The following NCOA7 variants were observed in gnomAD, a reference collection of about 807,000 sequenced individuals.
NCOA7 encodes the protein nuclear receptor coactivator 7.
In NCOA7, 45 loss-of-function variants were observed where a neutral mutation model predicts 104.3. That is an observed-to-expected ratio of 0.43 (90% CI 0.34 to 0.55). The LOEUF (loss-of-function observed/expected upper bound fraction) is 0.55, where lower values mean the gene tolerates loss of function less well. NCOA7 is among the 20% of genes least tolerant of loss of function. The pLI, the probability that NCOA7 is intolerant of heterozygous loss-of-function variation, is 0.02. For synonymous variants in NCOA7, 398 were observed against 402.3 expected, an observed-to-expected ratio of 0.99 and a Z score of 0.13; for missense variants, 1,041 against 1,119.7, an observed-to-expected ratio of 0.93 and a Z score of 1.00.
chr6:125,922,933 C>T, intron 13 of NCOA7, 99 bp downstream of exon 13: 4 of 1,122,560 alleles, frequency 3.6e-6, no homozygotes, highest in South Asian at 2.0e-5. Context: ...ACCCAGATTC[C>T]ACAGTTAACA....
chr6:125,882,947 T>C (rs1017790482), intron 7 of NCOA7, among the ~76,000 whole-genome samples: 2 of 152,170 alleles, frequency 1.3e-5, no homozygotes, highest in African/African-American at 4.8e-5. Context: ...ATTTTTCTCA[T>C]GCATAAAATA....
At chr6:125,846,261 C>T (rs1780597628) in intron 2 of NCOA7, among the ~76,000 whole-genome samples, 1 of 151,156 alleles carries the variant, frequency 6.6e-6, no homozygotes, top group Non-Finnish European at 1.5e-5. Context: ...AGAAATTCTG[C>T]AGTGGAAGGA....
At chr6:125,807,534 A>G (rs1430490650) in intron 1 of NCOA7, among the ~76,000 whole-genome samples, 2 of 152,208 alleles carry the variant, frequency 1.3e-5, no homozygotes, top group African/African-American at 4.8e-5. Context: ...CACTAACACT[A>G]AACTGTACCG....
chr6:125,832,617 T>A (rs1474842116), intron 2 of NCOA7, among the ~76,000 whole-genome samples: 1 of 152,182 alleles, frequency 6.6e-6, no homozygotes, highest in African/African-American at 2.4e-5. Flanking sequence ...GTCCCATTTG[T>A]CATGGGGCAG....
chr6:125,907,373 G>A (rs1288046579), intron 10 of NCOA7, among the ~76,000 whole-genome samples: 1 of 134,808 alleles, frequency 7.4e-6, no homozygotes, highest in Admixed American at 8.2e-5. Flanking sequence ...AGCGATGGGG[G>A]AAGCATTCAG....
intron 10 of NCOA7, among the ~76,000 whole-genome samples, chr6:125,898,361 T>C (rs964807500): frequency 3.3e-5 from 5 of 152,202 alleles, no homozygotes; most frequent in Non-Finnish European, 5.9e-5. Flanking sequence ...TCCCATGTTA[T>C]CTTCATCATC....
chr6:125,806,502 T>A (rs1776466797), intron 1 of NCOA7, among the ~76,000 whole-genome samples: 1 of 152,208 alleles, frequency 6.6e-6, no homozygotes, highest in Non-Finnish European at 1.5e-5. Context: ...ACATTTAATT[T>A]AAAAGCTAAT....
upstream of NCOA7, among the ~76,000 whole-genome samples, chr6:125,787,710 A>G (rs1774536160): frequency 6.6e-6 from 1 of 152,240 alleles, no homozygotes; most frequent in Admixed American, 6.5e-5. Context: ...GTGTGGTATT[A>G]TATTTTTTCA....
At chr6:125,840,966 C>G (rs757224188) in intron 2 of NCOA7, among the ~76,000 whole-genome samples, 5 of 129,830 alleles carry the variant, frequency 3.9e-5, no homozygotes, top group Non-Finnish European at 6.2e-5. Flanking sequence ...GAACTTGGCT[C>G]ACTGCAACCT....
intron 9 of NCOA7, 50 bp from the exon 10 acceptor site, chr6:125,890,592 A>G (rs1186140474): frequency 2.6e-6 from 4 of 1,520,752 alleles, no homozygotes; most frequent in Non-Finnish European, 3.5e-6. Flanking sequence ...AAATTCTGCT[A>G]TTACCAATAT....
At chr6:125,823,708 T>A (rs1191890663) in intron 2 of NCOA7, among the ~76,000 whole-genome samples, 1 of 152,250 alleles carries the variant, frequency 6.6e-6, no homozygotes, top group South Asian at 2.1e-4. Context: ...TCATGCTTTT[T>A]GCTTCGTTTT....
At chr6:125,791,350 G>A (rs926737631) in intron 1 of NCOA7, among the ~76,000 whole-genome samples, 3 of 152,260 alleles carry the variant, frequency 2.0e-5, no homozygotes, top group African/African-American at 7.2e-5. Flanking sequence ...GGGGAGGACA[G>A]GTTGGCATGG....
At chr6:125,794,742 T>G (rs748559927) in intron 1 of NCOA7, among the ~76,000 whole-genome samples, 6 of 152,232 alleles carry the variant, frequency 3.9e-5, no homozygotes, top group Non-Finnish European at 5.9e-5. Context: ...AAAACTTTTT[T>G]TTAAACTCTT....
intron 3 of NCOA7, among the ~76,000 whole-genome samples, chr6:125,856,660 A>G (rs1781588383): frequency 6.6e-6 from 1 of 152,036 alleles, no homozygotes; most frequent in African/African-American, 2.4e-5. Context: ...CCATGTCTCC[A>G]TGTTTAATGT....
chr6:125,797,043 TTTA>T (rs1318640138), intron 1 of NCOA7, among the ~76,000 whole-genome samples: 150 of 152,326 alleles, frequency 9.8e-4, no homozygotes, highest in African/African-American at 3.1e-3. Flanking sequence ...AGCTTTGGTA[TTTA>T]TTATGACACT....
upstream of NCOA7, chr6:125,790,890 G>A (rs1388316747): frequency 1.3e-5 from 2 of 152,672 alleles, no homozygotes; most frequent in African/African-American, 4.8e-5. Flanking sequence ...CGCGCGCCTC[G>A]GAGCTCCCGC....
chr6:125,863,346 T>C (rs1339579473), intron 3 of NCOA7, among the ~76,000 whole-genome samples: 2 of 138,782 alleles, frequency 1.4e-5, no homozygotes, highest in Non-Finnish European at 3.1e-5. Flanking sequence ...CAAAAGCAAC[T>C]GTATCTTAAC....
rs1476068756 is a variant in NCOA7, at chr6:125,921,084, C to T, written c.2370+16C>T. 1.2e-6 allele frequency: 2 copies of T among 1,609,898 alleles called. No homozygotes were observed. Among genetic ancestry groups the T allele is most frequent in the Non-Finnish European group, 1.7e-6 (2 of 1,177,440 alleles). The stretch of plus-strand genomic sequence containing the variant: ...CATCGAGCAGGTGGGCTCGCCCTGG[C>T]CACCAAGGGTGGGGGTTCCTAGGCT... On this transcript the variant is annotated intron_variant, in intron 12 of 15. Transcript: ENST00000392477.
At chr6:125,790,640 C>G (rs1774740232), upstream of NCOA7, 2 of 152,068 alleles carry the variant, frequency 1.3e-5, no homozygotes, top group African/African-American at 4.8e-5. Context: ...CCCAGGCCCC[C>G]GCAACCGCTG....
Sources: gnomAD v4.1 joint callset for allele counts (sites outside exome capture counted in the v4.1 genomes callset) on GRCh38, gnomAD v4.1.1 for gene constraint, MANE v1.5 for transcripts, NCBI Gene and HGNC (gene_info 2026-07-23, HGNC 2026-07-21) for gene names.